CNTNAP3B: variants seen among roughly 807,000 people sequenced by gnomAD.
CNTNAP3B encodes the protein contactin associated protein family member 3B, also known as contactin-associated protein-like 3B.
CNTNAP3B carries 25 observed loss-of-function variants against 108.9 expected under a neutral mutation model. The observed-to-expected ratio is 0.23, with a 90% CI of 0.17 to 0.32. The LOEUF (loss-of-function observed/expected upper bound fraction) is 0.32, where lower values mean the gene tolerates loss of function less well. Ranked by LOEUF, CNTNAP3B falls within the 10% of genes least tolerant of loss-of-function variation. The probability of loss-of-function intolerance (pLI) is 1.00; values close to 1 mark genes in which losing one functional copy is unlikely to be tolerated. For missense variants in CNTNAP3B, 252 were observed against 1,210.4 expected (o/e 0.21, Z 11.75); for synonymous variants, 103 against 473.4 (o/e 0.22, Z 10.16).
chr9:41,947,841 A>G (rs1329222998), intron 13 of CNTNAP3B, among the ~76,000 whole-genome samples: 2 of 152,274 alleles, frequency 1.3e-5, no homozygotes, highest in African/African-American at 4.8e-5. Context: ...AGTGGATATC[A>G]CTACAGATGC....
chr9:42,077,111 T>G, intron 2 of CNTNAP3B, 49 bp from the exon 3 acceptor site: 1 of 1,491,012 alleles, frequency 6.7e-7, no homozygotes. Flanking sequence ...GGAAGTTATT[T>G]AACATAGCTG....
chr9:41,955,455 A>T (rs1824826591), intron 12 of CNTNAP3B, among the ~76,000 whole-genome samples: 1 of 152,426 alleles, frequency 6.6e-6, no homozygotes. Context: ...ATTGCTCATA[A>T]TTTATTTCAA....
intron 3 of CNTNAP3B, among the ~76,000 whole-genome samples, chr9:42,055,108 A>T (rs1827037997): frequency 7.2e-6 from 1 of 138,980 alleles, no homozygotes; most frequent in African/African-American, 2.9e-5. Flanking sequence ...CATTAAAATC[A>T]CTACTTATTA....
chr9:41,930,563 A>T (rs1823947925), intron 14 of CNTNAP3B, among the ~76,000 whole-genome samples: 1 of 135,222 alleles, frequency 7.4e-6, no homozygotes, highest in Non-Finnish European at 1.7e-5. Flanking sequence ...AAAAACAAAC[A>T]AAAAACCCCA....
intron 3 of CNTNAP3B, among the ~76,000 whole-genome samples, chr9:42,070,155 CA>C (rs1175188766): frequency 2.7e-5 from 4 of 147,980 alleles, no homozygotes; most frequent in Non-Finnish European, 5.9e-5. Flanking sequence ...GCTTCCTAGC[CA>C]GGAAAAGCCC....
chr9:41,953,177 G>A lies in CNTNAP3B; in HGVS notation c.2080+6C>T, dbSNP rs1464230745. 17 of 1,518,724 alleles carry A rather than the reference G, an allele frequency of 1.1e-5. No homozygotes were observed. The highest frequency in any genetic ancestry group is 1.0e-4 in the East Asian group (4 of 38,286). 94.1% of individuals were successfully genotyped at this position (1,518,724 alleles called of 1,614,324 possible). ...AGCCCCTGTAGCCTCCAGCAGTGGCGCTTACCTCGTGAGTCCGGGCGCCGC... is the reference window on the plus strand; with the variant it reads ...AGCCCCTGTAGCCTCCAGCAGTGGCACTTACCTCGTGAGTCCGGGCGCCGC... On this transcript the variant is annotated splice_donor_region_variant and intron_variant, in intron 13 of 23. Coordinates refer to ENST00000377561, the MANE Select transcript of CNTNAP3B (RefSeq NM_001201380.3).
rs1279249948 is a variant in CNTNAP3B at position 42,083,062 on chromosome 9, T to C, written c.197-6000A>G. Among the ~76,000 whole-genome samples, 9 of 139,328 alleles carry C rather than the reference T, an allele frequency of 6.5e-5. 2 individuals are homozygous for C. The highest frequency in any genetic ancestry group is 4.6e-4 in the South Asian group (2 of 4,348). 91.4% of individuals were successfully genotyped at this position (139,328 alleles called of 152,430 possible). A position where few individuals can be genotyped will look rare whatever the true frequency, so the allele number is the denominator to read the frequency against. ...GATTGGCTATATTAAACAAAGTAGA[T>C]TTCAGTGCAAAAATTATTATAAAAG... On this transcript the variant is annotated intron_variant, in intron 2 of 23. Coordinates refer to ENST00000377561, the MANE Select transcript of CNTNAP3B (RefSeq NM_001201380.3).
At chr9:42,108,897 T>C (rs1828134062) in intron 1 of CNTNAP3B, among the ~76,000 whole-genome samples, 1 of 140,354 alleles carries the variant, frequency 7.1e-6, no homozygotes, top group Non-Finnish European at 1.5e-5. Context: ...TAGTATTATG[T>C]TCATGAAAGA....
At chr9:41,943,895 T>A (rs1404420488) in intron 13 of CNTNAP3B, among the ~76,000 whole-genome samples, 1 of 152,280 alleles carries the variant, frequency 6.6e-6, no homozygotes, top group Non-Finnish European at 1.5e-5. Flanking sequence ...AAGACTTTCT[T>A]AAAATTAAAA....
At chr9:42,037,627 A>G (rs149623052) in intron 3 of CNTNAP3B, among the ~76,000 whole-genome samples, 30,886 of 88,494 alleles carry the variant, frequency 0.35, 6,484 homozygotes, top group East Asian at 0.6. Flanking sequence ...ATATGGGACT[A>G]TGTGAAAAGA....
chr9:42,109,873 G>A (rs1828157748), intron 1 of CNTNAP3B, among the ~76,000 whole-genome samples: 1 of 136,242 alleles, frequency 7.3e-6, no homozygotes, highest in Non-Finnish European at 1.6e-5. Context: ...TTGTAAGAGA[G>A]ATAAAGGTGA....
At chr9:41,917,691 T>C (rs1823552267) in intron 18 of CNTNAP3B, among the ~76,000 whole-genome samples, 2 of 149,270 alleles carry the variant, frequency 1.3e-5, no homozygotes, top group African/African-American at 2.5e-5. Context: ...GAAGACCTTA[T>C]GTCCTGGAAT....
At chr9:41,946,257 G>A (rs1287264336) in intron 13 of CNTNAP3B, among the ~76,000 whole-genome samples, 1 of 132,632 alleles carries the variant, frequency 7.5e-6, no homozygotes, top group Non-Finnish European at 1.6e-5. Context: ...GAATACTTTA[G>A]AATTCAATTA....
chr9:41,956,007 C>G (rs1310228208), intron 12 of CNTNAP3B, among the ~76,000 whole-genome samples: 1 of 152,222 alleles, frequency 6.6e-6, no homozygotes, highest in Non-Finnish European at 1.5e-5. Context: ...GCAAAATCAT[C>G]TAACACAATG....
At chr9:42,115,067 A>C (rs1466496119) in intron 1 of CNTNAP3B, among the ~76,000 whole-genome samples, 1 of 136,904 alleles carries the variant, frequency 7.3e-6, no homozygotes, top group Non-Finnish European at 1.6e-5. Context: ...AAAAAAAAAG[A>C]AATACTTACA....
At chr9:42,111,403 G>A (rs1445397320) in intron 1 of CNTNAP3B, among the ~76,000 whole-genome samples, 3 of 138,948 alleles carry the variant, frequency 2.2e-5, no homozygotes, top group Non-Finnish European at 4.6e-5. Context: ...AACAAATAAA[G>A]GCATAGTATC....
chr9:41,916,697 A>C lies in CNTNAP3B; in HGVS notation c.2995+3373T>G, dbSNP rs1225316036. On this transcript the variant is annotated intron_variant, in intron 18 of 23. Transcript: ENST00000377561. The stretch of plus-strand genomic sequence containing the variant: ...GAGATATCCATCACCTTAAACATTT[A>C]TCATTTCTTTTTGTTAGGAACATTC... Among the ~76,000 whole-genome samples, 15 of 144,666 alleles carry C rather than the reference A, an allele frequency of 1.0e-4. No homozygotes were observed. The South Asian group carries it at 1.9e-3, about 18-fold the overall frequency. The allele number at this position is 144,666 out of a possible 152,430, so 94.9% of individuals were successfully genotyped here.
chr9:41,973,868 CAG>C, intron 9 of CNTNAP3B, among the ~76,000 whole-genome samples: 1 of 133,036 alleles, frequency 7.5e-6, no homozygotes, highest in African/African-American at 3.0e-5. Flanking sequence ...TCTTTCTTGA[CAG>C]AGTCTCGCTC....
At chr9:42,060,286 C>G (rs958936660) in intron 3 of CNTNAP3B, among the ~76,000 whole-genome samples, 1 of 133,980 alleles carries the variant, frequency 7.5e-6, no homozygotes, top group African/African-American at 3.0e-5. Flanking sequence ...TTGAGATAAT[C>G]ATATGTTTTT....
Sources: gnomAD v4.1 joint callset for allele counts (sites outside exome capture counted in the v4.1 genomes callset) on GRCh38, gnomAD v4.1.1 for gene constraint, MANE v1.5 for transcripts, NCBI Gene and HGNC (gene_info 2026-07-23, HGNC 2026-07-21) for gene names.